PTPRM: variants seen among roughly 807,000 people sequenced by gnomAD.
The protein encoded by PTPRM is receptor-type tyrosine-protein phosphatase mu.
Under a neutral mutation model 186.7 loss-of-function variants are expected in PTPRM, and 47 were observed. The observed-to-expected ratio is 0.25, with a 90% CI of 0.20 to 0.32. The LOEUF is 0.32. Among genes scored for constraint, PTPRM ranks in the 10% least tolerant of loss-of-function variants. The probability of loss-of-function intolerance (pLI) is 1.00; values close to 1 mark genes in which losing one functional copy is unlikely to be tolerated. For synonymous variants in PTPRM, 668 were observed against 674.9 expected (o/e 0.99, Z 0.16); for missense variants, 1,494 against 1,865.0 (o/e 0.80, Z 3.66).
rs2091844698 is a variant in PTPRM, at chr18:8,113,561, A to C, written c.1932A>C (p.Pro644=). The C allele has an allele frequency of 6.2e-7, 1 of 1,613,932 alleles. No homozygotes were observed. The highest frequency in any genetic ancestry group is 1.7e-5 in the Admixed American group (1 of 60,012). ...CGACAGAAATCTTAAAGTGCTACCC[A>C]GTGCCAATTCACTTCCAGAATGCTT... ...KKTTEILKCY[P]VPIHFQNASL... The change falls in exon 12 of 33, where the codon CCA becomes CCC. Residue 644 remains proline (P), a synonymous_variant. Coordinates refer to ENST00000580170, the MANE Select transcript of PTPRM (RefSeq NM_001105244.2).
chr18:7,682,739 C>T (rs2039507178), intron 1 of PTPRM, among the ~76,000 whole-genome samples: 1 of 152,132 alleles, frequency 6.6e-6, no homozygotes, highest in African/African-American at 2.4e-5. Flanking sequence ...ATTTGAGGTT[C>T]ACAAATAATT....
intron 7 of PTPRM, among the ~76,000 whole-genome samples, chr18:8,011,522 T>C (rs1301080472): frequency 6.6e-6 from 1 of 152,240 alleles, no homozygotes; most frequent in Non-Finnish European, 1.5e-5. Flanking sequence ...TTACTTCTGA[T>C]ACTTATTCAT....
chr18:7,693,745 T>C (rs1474626722), intron 1 of PTPRM, among the ~76,000 whole-genome samples: 1 of 151,974 alleles, frequency 6.6e-6, no homozygotes, highest in Non-Finnish European at 1.5e-5. Flanking sequence ...GTAAATACAC[T>C]TAAGGAAAAT....
rs200590255 is a variant in PTPRM, at chr18:7,926,723, G to C, written c.663+40G>C. 5 of 1,493,738 alleles carry C rather than the reference G, an allele frequency of 3.3e-6. No homozygotes were observed. In the African/African-American group the frequency reaches 4.2e-5, roughly 12 times the overall value. The allele number at this position is 1,493,738 out of a possible 1,614,324, so 92.5% of individuals were successfully genotyped here. ...TTTCATCAGTTGATGAGAGTCCAGC[G>C]GGAAGAATACACTCCCCCTGGAGGA... is the stretch of plus-strand genomic sequence containing the variant. On this transcript the variant is annotated intron_variant, in intron 5 of 32. Transcript: ENST00000580170.
chr18:8,281,816 T>G (rs965108951), intron 19 of PTPRM, among the ~76,000 whole-genome samples: 2 of 152,188 alleles, frequency 1.3e-5, no homozygotes, highest in African/African-American at 4.8e-5. Flanking sequence ...TTTAGTAATT[T>G]AATTATCAGA....
chr18:8,235,587 A>T (rs973811726), intron 14 of PTPRM, among the ~76,000 whole-genome samples: 10 of 146,696 alleles, frequency 6.8e-5, no homozygotes, highest in Non-Finnish European at 1.1e-4. Context: ...TTCTGCACTA[A>T]TTTTTTTTTA....
At chr18:8,166,511 A>G (rs2093326522) in intron 14 of PTPRM, among the ~76,000 whole-genome samples, 1 of 152,216 alleles carries the variant, frequency 6.6e-6, no homozygotes, top group Admixed American at 6.5e-5. Flanking sequence ...GACCAAATGA[A>G]AAATAAAAGC....
At chr18:8,301,389 C>T (rs1217138741) in intron 20 of PTPRM, among the ~76,000 whole-genome samples, 2 of 152,142 alleles carry the variant, frequency 1.3e-5, no homozygotes, top group Admixed American at 6.5e-5. Context: ...CTAATACTCT[C>T]AACAGTTCCT....
intron 19 of PTPRM, among the ~76,000 whole-genome samples, chr18:8,287,208 T>A (rs115771327): frequency 0.014 from 2,069 of 151,676 alleles, 44 homozygotes; most frequent in African/African-American, 0.048. Flanking sequence ...TTGGAAAAAA[T>A]TTTCTTGGAG....
intron 2 of PTPRM, among the ~76,000 whole-genome samples, chr18:7,871,898 A>G (rs2048001300): frequency 6.6e-6 from 1 of 152,270 alleles, no homozygotes; most frequent in Non-Finnish European, 1.5e-5. Context: ...ACATATACAC[A>G]GTACATTTTA....
At position 7,949,333 on chromosome 18, in the gene PTPRM, C is replaced by G; in HGVS notation, c.816C>G (p.Asn272Lys). The change falls in exon 6 of 33, where the codon AAC becomes AAG. Residue 272 changes from asparagine (N) to lysine (K), a missense_variant. Physicochemically the swap from Asn to Lys is moderately conservative, Grantham distance 94. Coordinates refer to ENST00000580170, the MANE Select transcript of PTPRM (RefSeq NM_001105244.2). The part of the protein sequence containing the change: ...IRTEGGVGIS[N>K]YAELVVKEPP... ...CTGAAGGAGGTGTTGGAATATCAAA[C>G]TATGCAGAGTTGGTAGTTAAAGGTA... 6.2e-7 allele frequency: 1 copy of G among 1,613,832 alleles called. No homozygotes were observed. Among genetic ancestry groups the G allele is most frequent in the Non-Finnish European group, 8.5e-7 (1 of 1,179,814 alleles).
At chr18:7,664,445 C>T (rs2039050033) in intron 1 of PTPRM, among the ~76,000 whole-genome samples, 1 of 152,232 alleles carries the variant, frequency 6.6e-6, no homozygotes, top group Non-Finnish European at 1.5e-5. Context: ...GCCCTGGAGC[C>T]TGCGCTGTTC....
chr18:8,087,375 C>G (rs139588068), intron 10 of PTPRM, among the ~76,000 whole-genome samples: 4 of 151,934 alleles, frequency 2.6e-5, no homozygotes, highest in Non-Finnish European at 5.9e-5. Flanking sequence ...AAGACATACC[C>G]GAGACTGGGT....
In PTPRM at chr18:7,966,649, G is replaced by C. The variant is rs546015873; in HGVS notation, c.1132+11235G>C. Among the ~76,000 whole-genome samples, 14 of 148,828 alleles carry C rather than the reference G, an allele frequency of 9.4e-5. No individual in the cohort carries two copies. In the East Asian group the frequency reaches 1.2e-3, roughly 13 times the overall value. On this transcript the variant is annotated intron_variant, in intron 7 of 32. Transcript: ENST00000580170. ...CGAGGCATTGCCTCACCTGGGAAGCGCAAGGGGTCAGGGAGTTCCCTTTCC... is the reference window on the plus strand; with the variant it reads ...CGAGGCATTGCCTCACCTGGGAAGCCCAAGGGGTCAGGGAGTTCCCTTTCC...
intron 4 of PTPRM, among the ~76,000 whole-genome samples, chr18:7,921,913 C>A (rs1343434423): frequency 6.6e-6 from 1 of 151,988 alleles, no homozygotes; most frequent in Admixed American, 6.6e-5. Flanking sequence ...AGCTGTGGTT[C>A]CTCATTTGTT....
chr18:7,706,601 C>CAAAAAAAAAAAAAAA (rs766639399), intron 1 of PTPRM, among the ~76,000 whole-genome samples: 9 of 16,144 alleles, frequency 5.6e-4, no homozygotes, highest in Non-Finnish European at 1.0e-3. Flanking sequence ...GACCTTGTCT[C>CAAAAAAAAAAAAAAA]AAAAAAAAAA....
At chr18:8,097,910 C>T (rs993987812) in intron 11 of PTPRM, among the ~76,000 whole-genome samples, 1 of 152,214 alleles carries the variant, frequency 6.6e-6, no homozygotes, top group East Asian at 1.9e-4. Context: ...ACATTTCATT[C>T]AACAGACTGC....
chr18:8,054,482 GT>G (rs1427602264), intron 7 of PTPRM, among the ~76,000 whole-genome samples: 1 of 149,680 alleles, frequency 6.7e-6, no homozygotes, highest in Admixed American at 6.7e-5. Flanking sequence ...TGAGTTACTT[GT>G]TACTGAAGGT....
rs1477320805 is a variant in PTPRM at position 7,949,191 on chromosome 18, T to C, written c.674T>C (p.Val225Ala). Residue 225 changes from valine (V) to alanine (A), a missense_variant, in exon 6 of 33, where the codon GTG (valine) becomes GCG (alanine). By Grantham distance (64) the Val-to-Ala change is moderately conservative. Around this residue, in one of 3 missense-constraint regions of PTPRM, gnomAD observed 296 missense variants for 345.5 expected, o/e 0.86. Transcript: ENST00000580170. ...CCCCACTTGATACAGGGCATTGATG[T>C]GCGAGATGCTCCTCTGAAGGAAATC... Reference protein sequence around the residue: ...GDRLWLQGIDVRDAPLKEIKV... With the variant: ...GDRLWLQGIDARDAPLKEIKV... The C allele has an allele frequency of 6.2e-7, 1 of 1,605,630 alleles. No individual in the cohort carries two copies.
Sources: allele counts gnomAD v4.1 joint callset (sites outside exome capture counted in the v4.1 genomes callset), GRCh38; gene constraint gnomAD v4.1.1; regional missense constraint gnomAD v4.1.1; transcripts MANE v1.5; gene names NCBI Gene and HGNC (gene_info 2026-07-23, HGNC 2026-07-21).